The following MAX variants were observed in gnomAD, a reference collection of about 807,000 sequenced individuals.
The protein encoded by MAX is MYC associated transcriptional regulator X, also known as protein max.
Under a neutral mutation model 22.3 loss-of-function variants are expected in MAX, and 3 were observed. That is an observed-to-expected ratio of 0.13 (90% CI 0.06 to 0.35). MAX has a LOEUF of 0.35. Among genes scored for constraint, MAX ranks in the 10% least tolerant of loss-of-function variants. The pLI, the probability that MAX is intolerant of heterozygous loss-of-function variation, is 1.00. For missense variants in MAX, 119 were observed against 209.4 expected, an observed-to-expected ratio of 0.57 and a Z score of 2.66; for synonymous variants, 72 against 77.7, an observed-to-expected ratio of 0.93 and a Z score of 0.39.
intron 3 of MAX, chr14:65,061,219 G>C: frequency 6.2e-7 from 1 of 1,614,150 alleles, no homozygotes; most frequent in Non-Finnish European, 8.5e-7. Flanking sequence ...GACCAGACAA[G>C]GTGATCCAGG....
chr14:65,069,372 T>C lies in MAX; in HGVS notation c.171+24336A>G, dbSNP rs1248690758. Among the ~76,000 whole-genome samples, 1 of 152,112 alleles carries C rather than the reference T, an allele frequency of 6.6e-6. No homozygotes were observed. Among genetic ancestry groups the C allele is most frequent in the African/African-American group, 2.4e-5 (1 of 41,436 alleles). The stretch of plus-strand genomic sequence containing the variant: ...TGACCTGGTGGCCCTGCCCCTCCCA[T>C]AGTGCCAAACCGCTCTCACTGAGGG... On this transcript the variant is annotated intron_variant, in intron 3 of 3. Coordinates refer to the MAX transcript ENST00000341653. This position sits in a 1 kb window ranked among gnomAD's most constrained non-coding sequence, Gnocchi z 4.6.
chr14:65,022,958 T>C (rs966266816), intron 3 of MAX, among the ~76,000 whole-genome samples: 2 of 152,214 alleles, frequency 1.3e-5, no homozygotes, highest in African/African-American at 4.8e-5. Flanking sequence ...TTTATTCTTA[T>C]TGGTTTCTGA....
In MAX at chr14:65,054,807, C is replaced by A; in HGVS notation, c.171+38901G>T. 1 of 1,124,788 alleles carries A rather than the reference C, an allele frequency of 8.9e-7. No homozygotes were observed. Among genetic ancestry groups the A allele is most frequent in the Non-Finnish European group, 1.3e-6 (1 of 789,230 alleles). The allele number at this position is 1,124,788 out of a possible 1,614,324, so 69.7% of individuals were successfully genotyped here. A position where few individuals can be genotyped will look rare whatever the true frequency, so the allele number is the denominator to read the frequency against. On this transcript the variant is annotated intron_variant, in intron 3 of 3. Transcript: ENST00000341653. The surrounding 1 kb of genome is among the most constrained non-coding windows in gnomAD (Gnocchi z 4.4). Reference sequence around the variant, plus strand: ...GTGTGGACAGGCGGAAGCTTGTGGTCCCTCTGCCCTTCGAGCTGTGCAGCC... The same window carrying A: ...GTGTGGACAGGCGGAAGCTTGTGGTACCTCTGCCCTTCGAGCTGTGCAGCC...
chr14:65,041,053 A>AG, intron 3 of MAX: 1 of 1,404,208 alleles, frequency 7.1e-7, no homozygotes, highest in Non-Finnish European at 9.5e-7. Flanking sequence ...ACACAGAGGA[A>AG]GGAGTGAGCA....
At chr14:65,097,963 T>G (rs1487288088) in intron 2 of MAX, among the ~76,000 whole-genome samples, 2 of 152,206 alleles carry the variant, frequency 1.3e-5, no homozygotes, top group East Asian at 1.9e-4. Context: ...GTTTTCAAAC[T>G]TTTTTCTTTT....
At position 65,030,490 on chromosome 14, in the gene MAX, A is replaced by G. The variant is rs1396208108; in HGVS notation, c.172-24206T>C. Among the ~76,000 whole-genome samples, 1 of 152,172 alleles carries G rather than the reference A, an allele frequency of 6.6e-6. No individual in the cohort carries two copies. The highest frequency in any genetic ancestry group is 1.9e-4 in the East Asian group (1 of 5,186). ...GCAGTGGCTCATGTCTGTAATCTCAACACTTTGAGAGACTGAGATGAGAGA... is the reference window on the plus strand; with the variant it reads ...GCAGTGGCTCATGTCTGTAATCTCAGCACTTTGAGAGACTGAGATGAGAGA... On this transcript the variant is annotated intron_variant, in intron 3 of 3. Transcript: ENST00000341653. This position sits in a 1 kb window ranked among gnomAD's most constrained non-coding sequence, Gnocchi z 4.5.
chr14:65,040,266 T>C (rs916740430), intron 3 of MAX, among the ~76,000 whole-genome samples: 2 of 149,242 alleles, frequency 1.3e-5, no homozygotes, highest in Non-Finnish European at 3.0e-5. Context: ...TATGTATATA[T>C]ATGTATATAT....
intron 3 of MAX, among the ~76,000 whole-genome samples, chr14:65,058,098 G>C (rs1398419582): frequency 6.7e-6 from 1 of 148,288 alleles, no homozygotes; most frequent in African/African-American, 2.7e-5. Flanking sequence ...TAGATTAATA[G>C]GAGAGAACCA....
chr14:65,075,014 G>A, downstream of MAX: 2 of 983,636 alleles, frequency 2.0e-6, no homozygotes, highest in Non-Finnish European at 2.4e-6. The surrounding 1 kb of genome is among the most constrained non-coding windows in gnomAD (Gnocchi z 4.1). Context: ...GCAAGACCGG[G>A]TAAGCCACCT....
rs759298481 is a variant in MAX, at chr14:65,077,335, GTTACTTGCATTTCCTT to G, written c.295+562_295+577del. 3.1e-6 allele frequency: 5 copies of G among 1,596,008 alleles called. No individual in the cohort carries two copies. The highest frequency in any genetic ancestry group is 4.3e-6 in the Non-Finnish European group (5 of 1,163,682). Reference sequence around the variant, plus strand: ...TATTTGAGGTTTTCTAACCCAGGTGGTTACTTGCATTTCCTTTTACTTGCATCTTCCATGAGGGAGG... The same window carrying G: ...TATTTGAGGTTTTCTAACCCAGGTGGTTACTTGCATCTTCCATGAGGGAGG... On this transcript the variant is annotated intron_variant, in intron 4 of 4. Coordinates refer to ENST00000358664, the MANE Select transcript of MAX (RefSeq NM_002382.5). The surrounding 1 kb of genome is among the most constrained non-coding windows in gnomAD (Gnocchi z 6.3).
intron 3 of MAX, among the ~76,000 whole-genome samples, chr14:65,085,517 C>T (rs1370215193): frequency 6.6e-6 from 1 of 152,204 alleles, no homozygotes; most frequent in African/African-American, 2.4e-5. Context: ...TGAGACCTCT[C>T]TCATTCTGTA....
rs1295169289 is a variant in MAX, at chr14:65,029,419, A to G, written c.172-23135T>C. On this transcript the variant is annotated intron_variant, in intron 3 of 3. Transcript: ENST00000341653. The surrounding 1 kb of genome is among the most constrained non-coding windows in gnomAD (Gnocchi z 4.7). ...GACTAGCTCGCTGCCCTTCTGGGAT[A>G]GACAGCAGTCTCTGGATGATCTTTC... Among the ~76,000 whole-genome samples the G allele has an allele frequency of 6.6e-6, 1 of 152,224 alleles. No homozygotes were observed. Among genetic ancestry groups the G allele is most frequent in the Admixed American group, 6.5e-5 (1 of 15,288 alleles).
chr14:65,055,708 G>T (rs915341081), intron 3 of MAX, among the ~76,000 whole-genome samples: 1 of 151,968 alleles, frequency 6.6e-6, no homozygotes, highest in Non-Finnish European at 1.5e-5. Context: ...GTAGAGACAG[G>T]GTTTCCCCAT....
chr14:65,083,911 C>T (rs572775223), intron 3 of MAX: 25 of 1,277,482 alleles, frequency 2.0e-5, no homozygotes, highest in African/African-American at 1.2e-4. Flanking sequence ...AAAACCAAAA[C>T]GAAAGAATAT....
At position 65,012,431 on chromosome 14, in the gene MAX, C is replaced by T; in HGVS notation, c.172-6147G>A. 1 of 1,611,186 alleles carries T rather than the reference C, an allele frequency of 6.2e-7. No individual in the cohort carries two copies. The highest frequency in any genetic ancestry group is 8.5e-7 in the Non-Finnish European group (1 of 1,177,544). ...GGAACTCTTGCTGTCAAATTATCCA[C>T]CAAATCCTCCTCCTTTTTCTATTTA... On this transcript the variant is annotated intron_variant, in intron 3 of 3. Coordinates refer to the MAX transcript ENST00000341653. The surrounding 1 kb of genome is among the most constrained non-coding windows in gnomAD (Gnocchi z 5.0).
chr14:65,015,536 C>T lies in MAX; in HGVS notation c.172-9252G>A, dbSNP rs2061757267. 9.4e-6 allele frequency: 13 copies of T among 1,385,976 alleles called. No homozygotes were observed. The South Asian group carries it at 1.7e-4, about 18-fold the overall frequency. 85.9% of individuals were successfully genotyped at this position (1,385,976 alleles called of 1,614,324 possible). A position where few individuals can be genotyped will look rare whatever the true frequency, so the allele number is the denominator to read the frequency against. ...GGGTGCCCTCCTCCCCCTTGCCAGG[C>T]TGCTGGGAGTGAGACAGATACAGCC... On this transcript the variant is annotated intron_variant, in intron 3 of 3. Transcript: ENST00000341653.
intron 3 of MAX, chr14:65,006,407 T>C: frequency 6.9e-7 from 1 of 1,438,928 alleles, no homozygotes; most frequent in Non-Finnish European, 9.4e-7. Flanking sequence ...CCTCTTGTCA[T>C]GAGATACAGC....
chr14:65,042,676 A>G (rs1337076506), intron 3 of MAX, among the ~76,000 whole-genome samples: 1 of 152,222 alleles, frequency 6.6e-6, no homozygotes, highest in Non-Finnish European at 1.5e-5. Context: ...AGTAGGACCC[A>G]TATCTGAAGT....
At chr14:65,099,563 A>C (rs1262269) in intron 2 of MAX, among the ~76,000 whole-genome samples, 10,212 of 142,686 alleles carry the variant, frequency 0.072, 745 homozygotes, top group East Asian at 0.2. Flanking sequence ...AACAAACAAA[A>C]AAAACACAAC....
Sources: gnomAD v4.1 joint callset for allele counts (sites outside exome capture counted in the v4.1 genomes callset) on GRCh38, gnomAD v4.1.1 for gene constraint, Gnocchi (gnomAD v3.1) non-coding constraint, MANE v1.5 for transcripts, NCBI Gene and HGNC (gene_info 2026-07-23, HGNC 2026-07-21) for gene names.